SIRT1: variants seen among roughly 807,000 people sequenced by gnomAD.
The protein encoded by SIRT1 is NAD-dependent protein deacetylase sirtuin-1.
Under a neutral mutation model 67.9 loss-of-function variants are expected in SIRT1, and 24 were observed. The observed-to-expected ratio is 0.35, with a 90% CI of 0.26 to 0.50. The LOEUF is 0.50. SIRT1 is among the 20% of genes least tolerant of loss of function. The probability of loss-of-function intolerance (pLI) is 0.98; values close to 1 mark genes in which losing one functional copy is unlikely to be tolerated. For missense variants in SIRT1, 873 were observed against 937.2 expected, an observed-to-expected ratio of 0.93 and a Z score of 0.89; for synonymous variants, 378 against 350.7, an observed-to-expected ratio of 1.08 and a Z score of -0.87.
intron 4 of SIRT1, among the ~76,000 whole-genome samples, chr10:67,894,300 C>T (rs1042166735): frequency 2.6e-4 from 39 of 152,108 alleles, no homozygotes; most frequent in African/African-American, 8.5e-4. Flanking sequence ...TTCATATATC[C>T]GTAATGATGA....
chr10:67,909,885 T>C (rs893205554), intron 7 of SIRT1, among the ~76,000 whole-genome samples: 15 of 152,060 alleles, frequency 9.9e-5, no homozygotes, highest in African/African-American at 2.9e-4. Context: ...AGAAATTCTT[T>C]ATTTTTAGTA....
At position 67,890,060 on chromosome 10, in the gene SIRT1, G is replaced by GTC. The variant is rs1157423309; in HGVS notation, c.789+940_789+941dup. Among the ~76,000 whole-genome samples the GTC allele has an allele frequency of 6.0e-5, 9 of 151,152 alleles. No individual in the cohort carries two copies. The East Asian group carries it at 1.8e-3, about 29-fold the overall frequency. Reference sequence around the variant, plus strand: ...AGTGGTGTCATCATGGCTCACTGCAGTCTCAGCCTCTCCTGGCCTGAGTCT... The same window carrying GTC: ...AGTGGTGTCATCATGGCTCACTGCAGTCTCTCAGCCTCTCCTGGCCTGAGTCT... On this transcript the variant is annotated intron_variant, in intron 3 of 8. Coordinates refer to ENST00000212015, the MANE Select transcript of SIRT1 (RefSeq NM_012238.5).
At position 67,912,805 on chromosome 10, in the gene SIRT1, T is replaced by C. The variant is rs1842920039; in HGVS notation, c.1689T>C (p.Asn563=). 2 of 1,613,994 alleles carry C rather than the reference T, an allele frequency of 1.2e-6. No individual in the cohort carries two copies. Among genetic ancestry groups the C allele is most frequent in the Admixed American group, 3.3e-5 (2 of 59,998 alleles). ...VTLLDQAAKS[N]DDLDVSESKG... ...TTTTAGACCAAGCAGCTAAGAGTAA[T>C]GATGATTTAGATGTGTCTGAATCAA... The change falls in exon 8 of 9, where the codon AAT becomes AAC. Residue 563 remains asparagine, a synonymous_variant. Transcript: ENST00000212015.
chr10:67,910,875 CTT>C (rs1250841052), intron 7 of SIRT1, among the ~76,000 whole-genome samples: 1 of 152,098 alleles, frequency 6.6e-6, no homozygotes, highest in Non-Finnish European at 1.5e-5. Flanking sequence ...CAGATGTGTC[CTT>C]TCATAAGTGA....
chr10:67,897,606 C>T (rs1470323125), intron 4 of SIRT1, among the ~76,000 whole-genome samples: 2 of 152,024 alleles, frequency 1.3e-5, no homozygotes, highest in African/African-American at 2.4e-5. Context: ...TTGTGATTCA[C>T]CCACCTCTGC....
chr10:67,884,891 A>C lies in SIRT1; in HGVS notation c.170A>C (p.Glu57Ala), dbSNP rs1195315722. The C allele has an allele frequency of 6.4e-5, 78 of 1,217,168 alleles. No individual in the cohort carries two copies. Among genetic ancestry groups the C allele is most frequent in the Non-Finnish European group, 7.7e-5 (75 of 979,332 alleles). The allele number at this position is 1,217,168 out of a possible 1,614,324, so 75.4% of individuals were successfully genotyped here. A position where few individuals can be genotyped will look rare whatever the true frequency, so the allele number is the denominator to read the frequency against. Reference sequence around the variant, plus strand: ...GGCGAGCCCGGTGGGGCGGCCCCAGAGCGTGAGGTGCCGGCGGCGGCCAGG... The same window carrying C: ...GGCGAGCCCGGTGGGGCGGCCCCAGCGCGTGAGGTGCCGGCGGCGGCCAGG... ...SPGEPGGAAPEREVPAAARGC... is the reference protein window; with the variant it reads ...SPGEPGGAAPAREVPAAARGC... The change falls in exon 1 of 9, where the codon GAG (glutamate) becomes GCG (alanine). Residue 57 changes from glutamate (E) to alanine (A), a missense_variant. Physicochemically the swap from Glu to Ala is moderately radical, Grantham distance 107. Around this residue, in one of 3 missense-constraint regions of SIRT1, gnomAD observed 327 missense variants for 283.9 expected, o/e 1.15. Transcript: ENST00000212015.
chr10:67,895,049 G>C (rs1306769521), intron 4 of SIRT1, among the ~76,000 whole-genome samples: 1 of 151,928 alleles, frequency 6.6e-6, no homozygotes, highest in African/African-American at 2.4e-5. Flanking sequence ...GGTTAAATCA[G>C]CTAGGCTTTA....
At chr10:67,906,364 A>G in intron 4 of SIRT1, 1 of 1,459,366 alleles carries the variant, frequency 6.9e-7, no homozygotes, top group South Asian at 1.3e-5. Context: ...AAAAATTTTA[A>G]ATATTCTTGT....
chr10:67,901,166 C>CTT (rs11390488), intron 4 of SIRT1, among the ~76,000 whole-genome samples: 10 of 148,548 alleles, frequency 6.7e-5, no homozygotes, highest in African/African-American at 2.5e-4. Context: ...TTTAGGTTTT[C>CTT]TTTTTTTTTT....
chr10:67,909,281 C>T lies in SIRT1; in HGVS notation c.1196C>T (p.Pro399Leu). 6.2e-7 allele frequency: 1 copy of T among 1,608,968 alleles called. No individual in the cohort carries two copies. Among genetic ancestry groups the T allele is most frequent in the Non-Finnish European group, 8.5e-7 (1 of 1,178,110 alleles). The part of the protein sequence containing the change: ...NQVVPRCPRC[P>L]ADEPLAIMKP... ...GTAGTTCCTCGATGTCCTAGGTGCC[C>T]AGCTGATGAACCGCTTGCTATCATG... Residue 399 changes from proline to leucine, a missense_variant, in exon 7 of 9, where the codon CCA becomes CTA. Pro to Leu is a moderately conservative substitution (Grantham distance 98). Around this residue, in one of 3 missense-constraint regions of SIRT1, gnomAD observed 251 missense variants for 358.8 expected, o/e 0.70. Coordinates refer to ENST00000212015, the MANE Select transcript of SIRT1 (RefSeq NM_012238.5).
At chr10:67,891,331 G>A (rs1306999986) in intron 3 of SIRT1, 71 bp from the exon 4 acceptor site, 3 of 1,389,182 alleles carry the variant, frequency 2.2e-6, no homozygotes, top group East Asian at 4.6e-5. Flanking sequence ...CTAATTATAT[G>A]GTAAGAGAGC....
intron 4 of SIRT1, among the ~76,000 whole-genome samples, chr10:67,898,105 C>T (rs376437241): frequency 6.7e-5 from 10 of 150,276 alleles, no homozygotes; most frequent in Non-Finnish European, 1.2e-4. Flanking sequence ...ACTAAAAATA[C>T]AAAAATTAGA....
intron 7 of SIRT1, among the ~76,000 whole-genome samples, chr10:67,909,678 G>A (rs996221994): frequency 1.3e-5 from 2 of 151,976 alleles, no homozygotes; most frequent in Non-Finnish European, 2.9e-5. Flanking sequence ...GGGTTCAAGC[G>A]ATTCTTCTGC....
At chr10:67,888,218 A>G (rs1842516826) in intron 2 of SIRT1, among the ~76,000 whole-genome samples, 1 of 152,212 alleles carries the variant, frequency 6.6e-6, no homozygotes, top group Non-Finnish European at 1.5e-5. Context: ...CCATCTTGAA[A>G]GTGGATCTTT....
chr10:67,901,571 C>G (rs528423815), intron 4 of SIRT1, among the ~76,000 whole-genome samples: 1 of 152,164 alleles, frequency 6.6e-6, no homozygotes, highest in African/African-American at 2.4e-5. Context: ...GTTTTCTTTA[C>G]AGCCTTGAAC....
At position 67,909,374 on chromosome 10, in the gene SIRT1, A is replaced by G. The variant is rs772640272; in HGVS notation, c.1289A>G (p.Lys430Arg). The G allele has an allele frequency of 7.4e-6, 12 of 1,613,804 alleles. No individual in the cohort carries two copies. The highest frequency in any genetic ancestry group is 1.6e-4 in the Middle Eastern group (1 of 6,082). Residue 430 changes from lysine to arginine, a missense_variant, in exon 7 of 9, where the codon AAA becomes AGA. Physicochemically the swap from Lys to Arg is conservative, Grantham distance 26 (BLOSUM62 2). This residue lies in a region of SIRT1 where 251 missense variants were observed against 358.8 expected (regional missense o/e 0.70). Transcript: ENST00000212015. ...EQFHRAMKYD[K>R]DEVDLLIVIG... ...TTTCATAGAGCCATGAAGTATGACA[A>G]AGATGAAGTTGACCTCCTCATTGTT...
chr10:67,913,575 C>T (rs1842933219), intron 8 of SIRT1, among the ~76,000 whole-genome samples: 1 of 152,154 alleles, frequency 6.6e-6, no homozygotes, highest in Non-Finnish European at 1.5e-5. Flanking sequence ...GATTCTTCTC[C>T]ACTGAATATA....
intron 2 of SIRT1, 148 bp downstream of exon 2, chr10:67,887,681 A>G: frequency 1.9e-6 from 1 of 532,398 alleles, no homozygotes. Context: ...GGTTCAAGCG[A>G]TTCTCCTGCC....
chr10:67,916,145 T>C (rs2029904896), intron 8 of SIRT1, 120 bp from the exon 9 acceptor site: 2 of 856,450 alleles, frequency 2.3e-6, no homozygotes, highest in Admixed American at 2.8e-5. Context: ...ACACTAATAG[T>C]AGTCTTTCAT....
Sources: gnomAD v4.1 joint callset for allele counts (sites outside exome capture counted in the v4.1 genomes callset) on GRCh38, gnomAD v4.1.1 for gene constraint, gnomAD v4.1.1 regional missense constraint, MANE v1.5 for transcripts, NCBI Gene and HGNC (gene_info 2026-07-23, HGNC 2026-07-21) for gene names.